CLVS1: variants seen among roughly 807,000 people sequenced by gnomAD.
The protein encoded by CLVS1 is clavesin-1.
A neutral mutation model predicts 33.1 loss-of-function variants in CLVS1; 10 were observed. The observed-to-expected ratio is 0.30, with a 90% CI of 0.19 to 0.51. The LOEUF is 0.51. Among genes scored for constraint, CLVS1 ranks in the 20% least tolerant of loss-of-function variants. The pLI, the probability that CLVS1 is intolerant of heterozygous loss-of-function variation, is 0.97. For synonymous variants in CLVS1, 163 were observed against 166.1 expected (o/e 0.98, Z 0.14); for missense variants, 343 against 433.4 (o/e 0.79, Z 1.85).
At chr8:61,198,444 A>G (rs530221248) in intron 2 of CLVS1, among the ~76,000 whole-genome samples, 1 of 152,220 alleles carries the variant, frequency 6.6e-6, no homozygotes, top group East Asian at 1.9e-4. Context: ...CAGTGGCACG[A>G]TCTTGGTTCA....
chr8:61,085,960 G>A (rs1286868347), intron 1 of CLVS1, among the ~76,000 whole-genome samples: 1 of 141,056 alleles, frequency 7.1e-6, no homozygotes, highest in South Asian at 2.3e-4. Flanking sequence ...GGCGTGAACC[G>A]TGGAGGCGGA....
Position 61,232,022 on chromosome 8 carries a change from G to GTTTTTTTTTTTTTTTTTTTT in CLVS1, c.-151-67655_-151-67654insTTTTTTTTTTTTTTTTTTTT, listed in dbSNP as rs376185436. On this transcript the variant is annotated intron_variant, in intron 2 of 2. Coordinates refer to the CLVS1 transcript ENST00000522621. ...GAGAAGGAGCCCTGAGGAAAGTTGT[G>GTTTTTTTTTTTTTTTTTTTT]GTTTTTTTTTTTTTTTTTTTTTTTT... Among the ~76,000 whole-genome samples the GTTTTTTTTTTTTTTTTTTTT allele has an allele frequency of 6.8e-5, 8 of 117,074 alleles. 1 individual carries two copies. The highest frequency in any genetic ancestry group is 2.7e-4 in the African/African-American group (6 of 22,346). The allele number at this position is 117,074 out of a possible 152,430, so 76.8% of individuals were successfully genotyped here.
At chr8:61,131,073 G>A (rs952750555) in intron 1 of CLVS1, among the ~76,000 whole-genome samples, 6 of 152,172 alleles carry the variant, frequency 3.9e-5, no homozygotes, top group Non-Finnish European at 7.3e-5. Context: ...AGTTCTACAC[G>A]AGGATCATGT....
chr8:61,397,388 A>T (rs1814569229), intron 3 of CLVS1, among the ~76,000 whole-genome samples: 2 of 152,040 alleles, frequency 1.3e-5, no homozygotes, highest in African/African-American at 4.8e-5. Flanking sequence ...CCAACTTTTA[A>T]TTTTTTTAAT....
intron 2 of CLVS1, among the ~76,000 whole-genome samples, chr8:61,210,834 G>A (rs548071844): frequency 1.2e-4 from 18 of 152,082 alleles, no homozygotes; most frequent in Non-Finnish European, 2.6e-4. Flanking sequence ...GGGATTCCAC[G>A]ACATAGAGAA....
intron 2 of CLVS1, among the ~76,000 whole-genome samples, chr8:61,194,173 A>G (rs1348941760): frequency 6.6e-6 from 1 of 152,108 alleles, no homozygotes; most frequent in South Asian, 2.1e-4. Context: ...AATGGATAGC[A>G]TAGAATAAAA....
chr8:61,225,059 G>C (rs908132932), intron 2 of CLVS1, among the ~76,000 whole-genome samples: 16 of 151,324 alleles, frequency 1.1e-4, no homozygotes, highest in African/African-American at 2.0e-4. Flanking sequence ...GCTCATGCCT[G>C]TAATCCCAGC....
At chr8:61,218,796 A>AAT (rs34022821) in intron 2 of CLVS1, among the ~76,000 whole-genome samples, 7,774 of 142,404 alleles carry the variant, frequency 0.055, 704 homozygotes, top group African/African-American at 0.16. Flanking sequence ...AAAAAAAAAA[A>AAT]AGCTGGGAGT....
intron 1 of CLVS1, among the ~76,000 whole-genome samples, chr8:61,074,224 G>T (rs1219754777): frequency 6.6e-6 from 1 of 150,638 alleles, no homozygotes; most frequent in Middle Eastern, 3.2e-3. Flanking sequence ...TGTAGTCCCA[G>T]CTACTTGGGA....
At chr8:61,473,955 T>C (rs1176759584) in intron 5 of CLVS1, among the ~76,000 whole-genome samples, 1 of 152,076 alleles carries the variant, frequency 6.6e-6, no homozygotes, top group African/African-American at 2.4e-5. Context: ...GTTTAGAACA[T>C]GTTTCTCCTG....
intron 1 of CLVS1, among the ~76,000 whole-genome samples, chr8:61,110,923 T>C (rs1244439174): frequency 6.6e-6 from 1 of 152,248 alleles, no homozygotes; most frequent in African/African-American, 2.4e-5. Context: ...CCACATTTTG[T>C]ATACCTATAC....
At chr8:61,015,633 G>A in the CLVS1 span, among the ~76,000 whole-genome samples, 4 of 152,212 alleles carry the variant, frequency 2.6e-5, no homozygotes, top group African/African-American at 9.6e-5. Context: ...ACACACGTGG[G>A]AGAAAAGTGA....
At chr8:61,357,569 G>A (rs987454573) in intron 2 of CLVS1, among the ~76,000 whole-genome samples, 25 of 133,570 alleles carry the variant, frequency 1.9e-4, no homozygotes, top group Admixed American at 6.0e-4. Flanking sequence ...GCAATGGTGC[G>A]ATCTCGGCTC....
chr8:61,336,099 T>C (rs73682257), intron 2 of CLVS1, among the ~76,000 whole-genome samples: 4 of 152,032 alleles, frequency 2.6e-5, no homozygotes, highest in Non-Finnish European at 2.9e-5. Context: ...ATTCCCACTC[T>C]ACGCTGCTAA....
chr8:61,332,492 T>C (rs915977994), intron 2 of CLVS1, among the ~76,000 whole-genome samples: 12 of 152,206 alleles, frequency 7.9e-5, no homozygotes, highest in Non-Finnish European at 1.3e-4. Context: ...TGACTATTTG[T>C]CTATCAGCTT....
rs1347582867 is a variant in CLVS1 at position 61,273,064 on chromosome 8, G to A, written c.-151-26613G>A. ...AACTGCGTTCCTTTGGAGCAGAGGC[G>A]CTCTGCTTTTTAGAGTTTCCAGTTT... On this transcript the variant is annotated intron_variant, in intron 2 of 2. Transcript: ENST00000522621. Among the ~76,000 whole-genome samples the A allele has an allele frequency of 4.6e-3, 697 of 151,020 alleles. 5 individuals are homozygous for A. The highest frequency in any genetic ancestry group is 5.6e-3 in the Non-Finnish European group (381 of 67,894).
chr8:61,373,282 A>G (rs776410206), intron 2 of CLVS1, among the ~76,000 whole-genome samples: 23 of 152,240 alleles, frequency 1.5e-4, no homozygotes, highest in Non-Finnish European at 2.8e-4. Flanking sequence ...GACTCAAGAC[A>G]CAGTCCGTGC....
intron 3 of CLVS1, among the ~76,000 whole-genome samples, chr8:61,450,313 CA>C (rs1036437245): frequency 6.6e-6 from 1 of 151,306 alleles, no homozygotes; most frequent in Non-Finnish European, 1.5e-5. Context: ...TTTTAAAAAG[CA>C]AAAAAAACTT....
chr8:61,128,684 A>T (rs1387326627), intron 1 of CLVS1, among the ~76,000 whole-genome samples: 1 of 152,132 alleles, frequency 6.6e-6, no homozygotes, highest in African/African-American at 2.4e-5. Context: ...GACATTCAAT[A>T]CGTGAAGGTA....
Sources: gnomAD v4.1 joint callset for allele counts (sites outside exome capture counted in the v4.1 genomes callset) on GRCh38, gnomAD v4.1.1 for gene constraint, MANE v1.5 for transcripts, NCBI Gene and HGNC (gene_info 2026-07-23, HGNC 2026-07-21) for gene names.